The following SEZ6L variants were observed in gnomAD, a reference collection of about 807,000 sequenced individuals.
The protein encoded by SEZ6L is seizure related 6 homolog like, also known as seizure 6-like protein.
SEZ6L carries 37 observed loss-of-function variants against 106.2 expected under a neutral mutation model. The observed-to-expected ratio is 0.35, with a 90% CI of 0.27 to 0.46. The LOEUF (loss-of-function observed/expected upper bound fraction) is 0.46. Among genes scored for constraint, SEZ6L ranks in the 20% least tolerant of loss-of-function variants. The pLI, the probability that SEZ6L is intolerant of heterozygous loss-of-function variation, is 1.00. For missense variants in SEZ6L, 1,172 were observed against 1,332.8 expected, an observed-to-expected ratio of 0.88 and a Z score of 1.88; for synonymous variants, 541 against 570.4, an observed-to-expected ratio of 0.95 and a Z score of 0.73.
intron 1 of SEZ6L, among the ~76,000 whole-genome samples, chr22:26,265,872 A>G (rs2080159533): frequency 6.6e-6 from 1 of 152,104 alleles, no homozygotes; most frequent in South Asian, 2.1e-4. Flanking sequence ...CCTTCTTCCT[A>G]TTCAGTAAAT....
chr22:26,260,503 T>C (rs1003817823), intron 1 of SEZ6L, among the ~76,000 whole-genome samples: 1 of 152,196 alleles, frequency 6.6e-6, no homozygotes, highest in Non-Finnish European at 1.5e-5. Context: ...TTCCATCATA[T>C]ATACATATGA....
chr22:26,322,300 C>T (rs77238721), intron 9 of SEZ6L, among the ~76,000 whole-genome samples: 3 of 152,102 alleles, frequency 2.0e-5, no homozygotes, highest in African/African-American at 7.2e-5. Context: ...CTAGTAAAGA[C>T]GGAGCACACA....
At chr22:26,287,821 C>T (rs1250099845) in intron 1 of SEZ6L, among the ~76,000 whole-genome samples, 1 of 152,128 alleles carries the variant, frequency 6.6e-6, no homozygotes, top group Non-Finnish European at 1.5e-5. Flanking sequence ...AAGTTTGGAG[C>T]CAGCTGGCAA....
chr22:26,184,405 C>T (rs1219671611), intron 1 of SEZ6L, among the ~76,000 whole-genome samples: 1 of 152,088 alleles, frequency 6.6e-6, no homozygotes, highest in Non-Finnish European at 1.5e-5. Context: ...AGGCTGGTAC[C>T]CTTGCTATAG....
intron 9 of SEZ6L, among the ~76,000 whole-genome samples, chr22:26,319,607 T>C (rs1219680732): frequency 6.6e-6 from 1 of 152,198 alleles, no homozygotes; most frequent in Non-Finnish European, 1.5e-5. Flanking sequence ...GCCCCAAATA[T>C]CTGCAGAGCT....
At chr22:26,231,998 T>G (rs2078813050) in intron 1 of SEZ6L, among the ~76,000 whole-genome samples, 1 of 152,284 alleles carries the variant, frequency 6.6e-6, no homozygotes, top group East Asian at 1.9e-4. Context: ...CATGGGGCAC[T>G]GCAACAGACC....
At chr22:26,376,032 T>C (rs1241579477) in intron 15 of SEZ6L, among the ~76,000 whole-genome samples, 1 of 152,168 alleles carries the variant, frequency 6.6e-6, no homozygotes, top group African/African-American at 2.4e-5. Flanking sequence ...GTACTGACAA[T>C]CTGTTGTATA....
intron 9 of SEZ6L, among the ~76,000 whole-genome samples, chr22:26,338,869 T>TTTTTTTC (rs1240906860): frequency 2.5e-5 from 3 of 121,550 alleles, no homozygotes; most frequent in East Asian, 4.3e-4. Context: ...TTTTTTTTCT[T>TTTTTTTC]TTTTTTTTTT....
chr22:26,237,977 T>A (rs738650), intron 1 of SEZ6L, among the ~76,000 whole-genome samples: 77,488 of 152,010 alleles, frequency 0.51, 20,445 homozygotes, highest in South Asian at 0.68. Context: ...ATATTCATTT[T>A]CCACCATCAA....
chr22:26,199,926 A>G (rs1336850138), intron 1 of SEZ6L, among the ~76,000 whole-genome samples: 2 of 152,218 alleles, frequency 1.3e-5, no homozygotes, highest in Non-Finnish European at 2.9e-5. Flanking sequence ...TATCAGGAGT[A>G]AGGTGCTTGG....
chr22:26,350,283 A>T (rs1450606409), intron 11 of SEZ6L, among the ~76,000 whole-genome samples: 3 of 151,664 alleles, frequency 2.0e-5, no homozygotes, highest in Non-Finnish European at 4.4e-5. Flanking sequence ...GCTGGAGTGC[A>T]GTGGTGCCAT....
Position 26,293,130 on chromosome 22 carries a change from C to T in SEZ6L, c.819C>T (p.Thr273=). 6.4e-7 allele frequency: 1 copy of T among 1,556,282 alleles called. No individual in the cohort carries two copies. The highest frequency in any genetic ancestry group is 8.6e-7 in the Non-Finnish European group (1 of 1,159,680). The part of the protein sequence containing the change: ...TSTIITTTVI[T]TEQAPALCSV... ...CCATTATCACCACCACGGTCATCAC[C>T]ACCGAGCAGGCACCAGGTATGCAGC... The change falls in exon 2 of 17, where the codon ACC becomes ACT. Residue 273 remains threonine, a synonymous_variant. Coordinates refer to ENST00000248933, the MANE Select transcript of SEZ6L (RefSeq NM_021115.5).
At chr22:26,341,406 G>A (rs911256621) in intron 10 of SEZ6L, among the ~76,000 whole-genome samples, 8 of 151,474 alleles carry the variant, frequency 5.3e-5, no homozygotes, top group African/African-American at 1.5e-4. Context: ...CTAGCTCTAC[G>A]ACCCACCCCT....
chr22:26,327,661 C>T lies in SEZ6L; in HGVS notation c.2016-12775C>T, dbSNP rs115083559. ...CACGCACCACATGACACACCACGCC[C>T]ACACCACATGACACTACACACACCA... On this transcript the variant is annotated intron_variant, in intron 9 of 16. Coordinates refer to ENST00000248933, the MANE Select transcript of SEZ6L (RefSeq NM_021115.5). 3.6e-3 allele frequency among the ~76,000 whole-genome samples: 542 copies of T among 149,684 alleles called. 1 individual carries two copies. Among genetic ancestry groups the T allele is most frequent in the African/African-American group, 0.013 (525 of 40,716 alleles).
chr22:26,347,932 C>A lies in SEZ6L; in HGVS notation c.2407+19C>A. ...GAGAAAAGTAAGAGTGGTCTTGTTT[C>A]CTTCCTCTAGGTCCCTGGGTGGCAA... On this transcript the variant is annotated intron_variant, in intron 11 of 16. Transcript: ENST00000248933. 6.5e-7 allele frequency: 1 copy of A among 1,542,400 alleles called. No homozygotes were observed.
intron 1 of SEZ6L, among the ~76,000 whole-genome samples, chr22:26,262,529 A>G (rs1444041133): frequency 6.6e-6 from 1 of 152,226 alleles, no homozygotes; most frequent in Non-Finnish European, 1.5e-5. Context: ...TGCTGGTGCT[A>G]GTTTTATAAA....
chr22:26,310,938 G>A (rs2081808653), intron 7 of SEZ6L, 102 bp downstream of exon 7: 2 of 1,164,328 alleles, frequency 1.7e-6, no homozygotes, highest in Non-Finnish European at 2.4e-6. Flanking sequence ...AAGGATGTGG[G>A]AAATCCCATG....
intron 9 of SEZ6L, among the ~76,000 whole-genome samples, chr22:26,323,169 G>A (rs639526): frequency 0.17 from 26,608 of 152,190 alleles, 3,098 homozygotes; most frequent in Non-Finnish European, 0.26. Context: ...ACATAAAAGC[G>A]CCTAGAGTCA....
chr22:26,270,463 G>GGTGTGTGTGTGTGT (rs60049781), intron 1 of SEZ6L, among the ~76,000 whole-genome samples: 2 of 146,262 alleles, frequency 1.4e-5, no homozygotes, highest in Admixed American at 6.8e-5. Flanking sequence ...AATTGTGAGG[G>GGTGTGTGTGTGTGT]GTGTGTGTGT....
Sources: gnomAD v4.1 joint callset for allele counts (sites outside exome capture counted in the v4.1 genomes callset) on GRCh38, gnomAD v4.1.1 for gene constraint, MANE v1.5 for transcripts, NCBI Gene and HGNC (gene_info 2026-07-23, HGNC 2026-07-21) for gene names.